CDYL: variants seen among roughly 807,000 people sequenced by gnomAD.
CDYL encodes chromodomain Y-like protein.
In CDYL, 8 loss-of-function variants were observed where a neutral mutation model predicts 47.3. That is an observed-to-expected ratio of 0.17 (90% CI 0.10 to 0.31). The LOEUF (loss-of-function observed/expected upper bound fraction) is 0.31. CDYL is among the 10% of genes least tolerant of loss of function. The pLI, the probability that CDYL is intolerant of heterozygous loss-of-function variation, is 1.00. For missense variants in CDYL, 471 were observed against 701.4 expected (o/e 0.67, Z 3.71); for synonymous variants, 266 against 265.0 (o/e 1.00, Z -0.04).
intron 1 of CDYL, among the ~76,000 whole-genome samples, chr6:4,831,685 A>T (rs1325556483): frequency 6.6e-6 from 1 of 152,112 alleles, no homozygotes; most frequent in African/African-American, 2.4e-5. Flanking sequence ...GGCCATTTTC[A>T]CGATATTGAT....
intron 1 of CDYL, among the ~76,000 whole-genome samples, chr6:4,868,904 TTGTC>T (rs1228368624): frequency 1.3e-5 from 2 of 152,216 alleles, no homozygotes; most frequent in Admixed American, 6.5e-5. Context: ...ATGTTTCTCT[TTGTC>T]TGTAGTAATA....
At position 4,954,103 on chromosome 6, in the gene CDYL, A is replaced by G. The variant is rs1419347563; in HGVS notation, c.*47A>G. ...ACACCGGGATCGGGCTGAGCAGGAG[A>G]ACATCACCGGCTCCAGTTCCCCTGA... On this transcript the variant is annotated 3_prime_UTR_variant, in exon 7 of 7. Transcript: ENST00000397588. 1 of 1,572,404 alleles carries G rather than the reference A, an allele frequency of 6.4e-7. No individual in the cohort carries two copies. The highest frequency in any genetic ancestry group is 8.7e-7 in the Non-Finnish European group (1 of 1,154,230).
intron 2 of CDYL, among the ~76,000 whole-genome samples, chr6:4,722,866 A>T (rs1582279673): frequency 6.6e-6 from 1 of 152,210 alleles, no homozygotes; most frequent in Non-Finnish European, 1.5e-5. Flanking sequence ...GATAAGAGTG[A>T]GACATTGTCT....
chr6:4,814,834 T>C (rs1759625789), intron 1 of CDYL, among the ~76,000 whole-genome samples: 1 of 152,106 alleles, frequency 6.6e-6, no homozygotes, highest in Non-Finnish European at 1.5e-5. Flanking sequence ...AAATTTAGGA[T>C]TGAGAATAGA....
chr6:4,745,424 C>G (rs1251179109), intron 3 of CDYL, among the ~76,000 whole-genome samples: 2 of 152,038 alleles, frequency 1.3e-5, no homozygotes, highest in African/African-American at 4.8e-5. Flanking sequence ...CTCTTTCCCT[C>G]CCTCCTTTCT....
At chr6:4,893,218 C>G (rs907314805) in intron 2 of CDYL, among the ~76,000 whole-genome samples, 3 of 152,228 alleles carry the variant, frequency 2.0e-5, no homozygotes, top group Non-Finnish European at 4.4e-5. Flanking sequence ...CACTGGTGCC[C>G]CCACCCCATT....
At chr6:4,921,567 TA>T (rs68067233) in intron 2 of CDYL, among the ~76,000 whole-genome samples, 16,311 of 152,226 alleles carry the variant, frequency 0.11, 2,416 homozygotes, top group African/African-American at 0.33. Flanking sequence ...AGCTTTTTGT[TA>T]TTCCTCGTAG....
chr6:4,912,468 G>C (rs1757442095), intron 2 of CDYL, among the ~76,000 whole-genome samples: 1 of 152,282 alleles, frequency 6.6e-6, no homozygotes, highest in African/African-American at 2.4e-5. Flanking sequence ...ACTTACAGTT[G>C]CTGACTGGCA....
intron 1 of CDYL, among the ~76,000 whole-genome samples, chr6:4,867,782 T>C (rs1029164361): frequency 2.0e-5 from 3 of 151,470 alleles, no homozygotes; most frequent in African/African-American, 7.3e-5. Flanking sequence ...GTTTTTTTTT[T>C]TTTTTTGGTA....
At chr6:4,920,621 G>T in intron 2 of CDYL, among the ~76,000 whole-genome samples, 2 of 152,278 alleles carry the variant, frequency 1.3e-5, no homozygotes, top group South Asian at 4.1e-4. Context: ...AATTCGTTCA[G>T]TTTTATTGAT....
intron 3 of CDYL, among the ~76,000 whole-genome samples, chr6:4,738,891 G>A (rs972538496): frequency 6.6e-6 from 1 of 152,224 alleles, no homozygotes; most frequent in Non-Finnish European, 1.5e-5. Context: ...GCCGGGCGCA[G>A]CGGCTCACGC....
intron 1 of CDYL, among the ~76,000 whole-genome samples, chr6:4,787,129 C>G (rs1013784066): frequency 6.6e-6 from 1 of 152,228 alleles, no homozygotes; most frequent in Non-Finnish European, 1.5e-5. Context: ...GCAGGACAGA[C>G]TTCTGGGATT....
intron 3 of CDYL, among the ~76,000 whole-genome samples, chr6:4,762,621 AGGATATTCCAGATT>A (rs1758191970): frequency 6.8e-6 from 1 of 147,162 alleles, no homozygotes; most frequent in Non-Finnish European, 1.5e-5. Context: ...ACAAATCAAA[AGGATATTCCAGATT>A]AAAGGGTACC....
At chr6:4,725,129 G>C (rs1252831505) in intron 2 of CDYL, among the ~76,000 whole-genome samples, 2 of 152,210 alleles carry the variant, frequency 1.3e-5, no homozygotes, top group African/African-American at 4.8e-5. Context: ...GCTAGACACA[G>C]GGTTTGTGTC....
chr6:4,751,985 G>A (rs1368427278), intron 3 of CDYL, among the ~76,000 whole-genome samples: 1 of 152,190 alleles, frequency 6.6e-6, no homozygotes, highest in Non-Finnish European at 1.5e-5. Flanking sequence ...GGCCTGCATT[G>A]CATCTCTATT....
At chr6:4,933,097 T>G (rs1277378306) in intron 2 of CDYL, among the ~76,000 whole-genome samples, 1 of 152,192 alleles carries the variant, frequency 6.6e-6, no homozygotes, top group Admixed American at 6.5e-5. Context: ...ATTATTGCCT[T>G]CCTGCTTCTC....
chr6:4,940,743 T>C (rs1758338754), intron 4 of CDYL, among the ~76,000 whole-genome samples: 1 of 152,244 alleles, frequency 6.6e-6, no homozygotes, highest in African/African-American at 2.4e-5. Context: ...TGAGGTTTCT[T>C]CTTCCTCCCA....
intron 2 of CDYL, among the ~76,000 whole-genome samples, chr6:4,901,687 A>G (rs4960046): frequency 0.75 from 113,798 of 152,106 alleles, 45,991 homozygotes; most frequent in Middle Eastern, 0.9. Flanking sequence ...TGAATTTTTT[A>G]TAAGCGTAAT....
intron 3 of CDYL, among the ~76,000 whole-genome samples, chr6:4,749,398 GATGA>G (rs1757952875): frequency 6.6e-6 from 1 of 151,564 alleles, no homozygotes; most frequent in Admixed American, 6.6e-5. Context: ...TAGATGGATG[GATGA>G]ATGAATGTAT....
Sources: allele counts gnomAD v4.1 joint callset (sites outside exome capture counted in the v4.1 genomes callset), GRCh38; gene constraint gnomAD v4.1.1; transcripts MANE v1.5; gene names NCBI Gene and HGNC (gene_info 2026-07-23, HGNC 2026-07-21).